CHRNA7: variants seen among roughly 807,000 people sequenced by gnomAD.
CHRNA7 encodes neuronal acetylcholine receptor subunit alpha-7.
Under a neutral mutation model 48.0 loss-of-function variants are expected in CHRNA7, and 17 were observed. The ratio of observed to expected loss-of-function variants is 0.35; its 90% confidence interval spans 0.24 to 0.53. The LOEUF (loss-of-function observed/expected upper bound fraction) is 0.53. Ranked by LOEUF, CHRNA7 falls within the 20% of genes least tolerant of loss-of-function variation. The pLI, the probability that CHRNA7 is intolerant of heterozygous loss-of-function variation, is 0.92. For synonymous variants in CHRNA7, 75 were observed against 242.3 expected (o/e 0.31, Z 6.41); for missense variants, 155 against 577.7 (o/e 0.27, Z 7.50).
At chr15:32,107,003 C>T (rs1296389346) in intron 3 of CHRNA7, among the ~76,000 whole-genome samples, 1 of 152,182 alleles carries the variant, frequency 6.6e-6, no homozygotes, top group African/African-American at 2.4e-5. Flanking sequence ...AGGTGAAGAG[C>T]GATGTGTCAA....
chr15:32,150,926 C>T (rs1390067319), intron 4 of CHRNA7, among the ~76,000 whole-genome samples: 2 of 151,572 alleles, frequency 1.3e-5, no homozygotes, highest in African/African-American at 2.4e-5. Context: ...TCTCTCTTTC[C>T]CTATGTGTTT....
At chr15:32,114,049 T>TACAC (rs1566848901) in intron 4 of CHRNA7, among the ~76,000 whole-genome samples, 61 of 54,636 alleles carry the variant, frequency 1.1e-3, no homozygotes, top group Admixed American at 2.7e-3. Context: ...TATATGTATA[T>TACAC]ATATATATAT....
intron 2 of CHRNA7, among the ~76,000 whole-genome samples, chr15:32,084,488 C>T (rs1433242608): frequency 6.6e-6 from 1 of 152,238 alleles, no homozygotes; most frequent in Non-Finnish European, 1.5e-5. Flanking sequence ...GGGCAAAGAG[C>T]AGAGCCCCTT....
intron 2 of CHRNA7, among the ~76,000 whole-genome samples, chr15:32,082,888 A>T (rs2050237811): frequency 6.6e-6 from 1 of 152,236 alleles, no homozygotes; most frequent in African/African-American, 2.4e-5. Context: ...TAATACCAAC[A>T]CTTTGGGAGG....
chr15:32,102,625 CAT>C (rs979079175), intron 3 of CHRNA7: 16 of 152,264 alleles, frequency 1.1e-4, no homozygotes, highest in African/African-American at 3.6e-4. Context: ...AATTATAAAA[CAT>C]AAATTTTTAT....
At chr15:32,153,183 G>T (rs1442399577) in intron 4 of CHRNA7, among the ~76,000 whole-genome samples, 1 of 152,174 alleles carries the variant, frequency 6.6e-6, no homozygotes, top group South Asian at 2.1e-4. Flanking sequence ...CACTTTGGGA[G>T]GCTGAGGCGG....
At chr15:32,142,921 A>G (rs1457522551) in intron 4 of CHRNA7, among the ~76,000 whole-genome samples, 1 of 151,918 alleles carries the variant, frequency 6.6e-6, no homozygotes, top group African/African-American at 2.4e-5. Flanking sequence ...TATCTCCTTC[A>G]GTTCTGCTCT....
intron 5 of CHRNA7, chr15:32,157,323 G>T (rs1198210856): frequency 1.4e-5 from 2 of 147,816 alleles, no homozygotes; most frequent in African/African-American, 9.7e-5. Flanking sequence ...GTCTGAAGAT[G>T]CTCATGGTAA....
chr15:32,158,300 TTAGCACTTTGCAAAC>T (rs2051792101), intron 6 of CHRNA7, 97 bp from the exon 7 acceptor site: 9 of 828,418 alleles, frequency 1.1e-5, no homozygotes, highest in Admixed American at 1.1e-4. Flanking sequence ...TTTTTTTTTT[TTAGCACTTTGCAAAC>T]TTTAGGACTG....
intron 2 of CHRNA7, among the ~76,000 whole-genome samples, chr15:32,032,456 C>T (rs760885813): frequency 1.3e-5 from 2 of 152,142 alleles, no homozygotes; most frequent in Non-Finnish European, 2.9e-5. Context: ...AAAATGCACA[C>T]TGTCAGTCAT....
chr15:32,072,138 C>T (rs922378784), intron 2 of CHRNA7, among the ~76,000 whole-genome samples: 6 of 152,124 alleles, frequency 3.9e-5, no homozygotes, highest in South Asian at 2.1e-4. Flanking sequence ...TTATTAAAAA[C>T]GAGTAAGGGC....
intron 2 of CHRNA7, among the ~76,000 whole-genome samples, chr15:32,057,016 CA>C (rs1204830160): frequency 6.6e-6 from 1 of 152,174 alleles, no homozygotes; most frequent in Non-Finnish European, 1.5e-5. Context: ...AACACAGAAG[CA>C]AATTAGATAA....
intron 4 of CHRNA7, among the ~76,000 whole-genome samples, chr15:32,117,562 GA>G (rs1392489994): frequency 6.6e-6 from 1 of 152,178 alleles, no homozygotes; most frequent in African/African-American, 2.4e-5. Context: ...GGGTGGAAGG[GA>G]GAGAGTCCTA....
chr15:32,094,203 A>T (rs749722249), intron 2 of CHRNA7, among the ~76,000 whole-genome samples: 1 of 152,204 alleles, frequency 6.6e-6, no homozygotes, highest in African/African-American at 2.4e-5. Flanking sequence ...TAGCTGGTGG[A>T]TGAGGCCAGG....
intron 2 of CHRNA7, among the ~76,000 whole-genome samples, chr15:32,077,573 T>C (rs1179470774): frequency 6.6e-6 from 1 of 152,244 alleles, no homozygotes; most frequent in Non-Finnish European, 1.5e-5. Flanking sequence ...TTTTCATATG[T>C]TGATCTGTAT....
At chr15:32,047,433 A>G (rs1048583246) in intron 2 of CHRNA7, among the ~76,000 whole-genome samples, 2 of 152,082 alleles carry the variant, frequency 1.3e-5, no homozygotes, top group African/African-American at 2.4e-5. Flanking sequence ...CTTTGAAGCA[A>G]TTGCGAATGG....
chr15:32,043,746 A>G (rs2049487911), intron 2 of CHRNA7, among the ~76,000 whole-genome samples: 1 of 121,422 alleles, frequency 8.2e-6, no homozygotes, highest in African/African-American at 2.9e-5. Context: ...ATTCTTTTAG[A>G]TTTACTCGTA....
chr15:32,112,574 A>C (rs1324258804), intron 4 of CHRNA7, among the ~76,000 whole-genome samples: 1 of 152,242 alleles, frequency 6.6e-6, no homozygotes, highest in Non-Finnish European at 1.5e-5. Context: ...TAAACTGCAT[A>C]GTCAAATAAG....
At chr15:32,138,672 G>T (rs1319174227) in intron 4 of CHRNA7, among the ~76,000 whole-genome samples, 1 of 151,988 alleles carries the variant, frequency 6.6e-6, no homozygotes, top group East Asian at 1.9e-4. Context: ...AAAAATCCTC[G>T]GTGCTCCACC....
Sources: allele counts gnomAD v4.1 joint callset (sites outside exome capture counted in the v4.1 genomes callset), GRCh38; gene constraint gnomAD v4.1.1; transcripts MANE v1.5; gene names NCBI Gene and HGNC (gene_info 2026-07-23, HGNC 2026-07-21).